The following GRM3 variants were observed in gnomAD, a reference collection of about 807,000 sequenced individuals.
GRM3 encodes the protein metabotropic glutamate receptor 3.
In GRM3, 26 loss-of-function variants were observed where a neutral mutation model predicts 70.5. The observed-to-expected ratio is 0.37, with a 90% confidence interval of 0.27 to 0.51. GRM3 has a LOEUF of 0.51. Ranked by LOEUF, GRM3 falls within the 20% of genes least tolerant of loss-of-function variation. The pLI is 0.93. For missense variants in GRM3, 859 were observed against 1,123.8 expected, an observed-to-expected ratio of 0.76 and a Z score of 3.37; for synonymous variants, 443 against 434.9, an observed-to-expected ratio of 1.02 and a Z score of -0.23.
At chr7:86,726,893 G>C (rs560718449) in intron 1 of GRM3, among the ~76,000 whole-genome samples, 1 of 152,100 alleles carries the variant, frequency 6.6e-6, no homozygotes, top group African/African-American at 2.4e-5. Context: ...CTCAGTACTG[G>C]CAATAAGGAA....
chr7:86,657,513 A>G (rs1054033981), intron 1 of GRM3, among the ~76,000 whole-genome samples: 2 of 152,232 alleles, frequency 1.3e-5, no homozygotes, highest in African/African-American at 4.8e-5. Flanking sequence ...GTGGAGCATC[A>G]TGTAATCTAG....
At chr7:86,673,386 A>G (rs1794222457) in intron 1 of GRM3, among the ~76,000 whole-genome samples, 1 of 152,050 alleles carries the variant, frequency 6.6e-6, no homozygotes, top group Admixed American at 6.6e-5. Context: ...TTCAAAACTC[A>G]CCAGAACACC....
At chr7:86,726,595 T>C (rs1195570529) in intron 1 of GRM3, among the ~76,000 whole-genome samples, 1 of 152,172 alleles carries the variant, frequency 6.6e-6, no homozygotes, top group Non-Finnish European at 1.5e-5. Context: ...TTTCCCCCAG[T>C]TGGACCTTTA....
In GRM3 at chr7:86,765,469, A is replaced by G; in HGVS notation, c.324A>G (p.Gln108=). The G allele has an allele frequency of 6.2e-7, 1 of 1,613,968 alleles. No individual in the cohort carries two copies. Among genetic ancestry groups the G allele is most frequent in the Non-Finnish European group, 8.5e-7 (1 of 1,179,892 alleles). ...TCSRDTYALE[Q]SLEFVRASLT... is the part of the protein sequence containing the mutation. ...CAAGGGATACCTATGCATTGGAGCAATCACTGGAGTTTGTCAGGGCATCTT... is the reference window on the plus strand; with the variant it reads ...CAAGGGATACCTATGCATTGGAGCAGTCACTGGAGTTTGTCAGGGCATCTT... Residue 108 remains glutamine, a synonymous_variant, in exon 2 of 6, where the codon CAA becomes CAG. Transcript: ENST00000361669.
At chr7:86,819,146 T>C (rs922748455) in intron 3 of GRM3, among the ~76,000 whole-genome samples, 1 of 152,158 alleles carries the variant, frequency 6.6e-6, no homozygotes, top group Non-Finnish European at 1.5e-5. Flanking sequence ...CAGCCAGAGA[T>C]GCTTGAAGCC....
intron 1 of GRM3, among the ~76,000 whole-genome samples, chr7:86,737,471 A>G (rs1795890328): frequency 6.6e-6 from 1 of 152,214 alleles, no homozygotes; most frequent in Non-Finnish European, 1.5e-5. Context: ...CATTTGTAAA[A>G]CATGAATAAT....
intron 1 of GRM3, among the ~76,000 whole-genome samples, chr7:86,707,641 T>C (rs1795090529): frequency 1.3e-5 from 2 of 152,106 alleles, no homozygotes; most frequent in African/African-American, 4.8e-5. Flanking sequence ...CTTGTAATTG[T>C]GCCTGGCAGA....
chr7:86,863,717 G>A (rs1799002894), intron 5 of GRM3, among the ~76,000 whole-genome samples: 2 of 152,128 alleles, frequency 1.3e-5, no homozygotes, highest in South Asian at 2.1e-4. Context: ...ACTAATTAAG[G>A]TACTGAAAAC....
At chr7:86,740,182 GA>G (rs1044186705) in intron 1 of GRM3, among the ~76,000 whole-genome samples, 11 of 150,530 alleles carry the variant, frequency 7.3e-5, no homozygotes, top group Non-Finnish European at 1.5e-4. Flanking sequence ...TTACTAAATG[GA>G]AAAAAAAAGT....
intron 1 of GRM3, among the ~76,000 whole-genome samples, chr7:86,655,538 T>G (rs984778679): frequency 6.7e-6 from 1 of 149,238 alleles, no homozygotes; most frequent in East Asian, 1.9e-4. Context: ...CAGTCTCAAT[T>G]CAAAAATTAG....
intron 1 of GRM3, among the ~76,000 whole-genome samples, chr7:86,760,097 G>A (rs1482808736): frequency 1.3e-5 from 2 of 152,076 alleles, no homozygotes; most frequent in African/African-American, 4.8e-5. Flanking sequence ...AAACCCTTCA[G>A]CAACTTAAGG....
At chr7:86,857,519 G>C (rs1482463468) in intron 5 of GRM3, among the ~76,000 whole-genome samples, 3 of 152,306 alleles carry the variant, frequency 2.0e-5, no homozygotes, top group South Asian at 2.1e-4. Flanking sequence ...CCAAATGGTG[G>C]TGGTTTAGAC....
intron 1 of GRM3, among the ~76,000 whole-genome samples, chr7:86,650,564 GAAGT>G (rs1793579516): frequency 6.6e-6 from 1 of 152,116 alleles, no homozygotes; most frequent in African/African-American, 2.4e-5. Flanking sequence ...GCAAATGGAA[GAAGT>G]AAGCTAAAAC....
At chr7:86,660,620 G>T (rs1793867423) in intron 1 of GRM3, among the ~76,000 whole-genome samples, 1 of 108,214 alleles carries the variant, frequency 9.2e-6, no homozygotes, top group South Asian at 5.0e-4. Context: ...AGGCTTGTGG[G>T]TTACATGGAT....
In GRM3 at chr7:86,644,546, C is replaced by T. The variant is rs868280136; in HGVS notation, c.-467C>T. 2 of 377,792 alleles carry T rather than the reference C, an allele frequency of 5.3e-6. No homozygotes were observed. The highest frequency in any genetic ancestry group is 5.3e-6 in the Non-Finnish European group (1 of 189,842). 23.4% of individuals were successfully genotyped at this position (377,792 alleles called of 1,614,324 possible). A position where few individuals can be genotyped will look rare whatever the true frequency, so the allele number is the denominator to read the frequency against. On this transcript the variant is annotated 5_prime_UTR_variant, in exon 1 of 6. Coordinates refer to ENST00000361669, the MANE Select transcript of GRM3 (RefSeq NM_000840.3). ...CCACTGGGTCCCCTCTTTCCCCAAC[C>T]TCCTCCCTCTCTTCTACTCCACCCC...
chr7:86,859,126 C>G (rs569912368), intron 5 of GRM3, among the ~76,000 whole-genome samples: 24 of 152,140 alleles, frequency 1.6e-4, no homozygotes, highest in Admixed American at 2.6e-4. Flanking sequence ...CCATCCTGCC[C>G]AGCTAAATTT....
intron 4 of GRM3, among the ~76,000 whole-genome samples, chr7:86,843,868 G>A (rs1040511016): frequency 2.0e-5 from 3 of 152,138 alleles, no homozygotes; most frequent in African/African-American, 7.2e-5. Flanking sequence ...AAATCACCTT[G>A]AAAAGCGGGT....
rs60180790 is a variant in GRM3, at chr7:86,742,995, G to A, written c.-140-22011G>A. Among the ~76,000 whole-genome samples, 1,438 of 152,142 alleles carry A rather than the reference G, an allele frequency of 9.5e-3. 20 individuals carry two copies. The highest frequency in any genetic ancestry group is 0.031 in the African/African-American group (1,307 of 41,506). On this transcript the variant is annotated intron_variant, in intron 1 of 5. Transcript: ENST00000361669. ...TTCTCACTTTACAGATGTGGAGACC[G>A]AAGCTCATAAGTATTAAATAACTTC... is the stretch of plus-strand genomic sequence containing the variant.
chr7:86,735,403 TA>T lies in GRM3; in HGVS notation c.-140-29602del, dbSNP rs1795835758. Among the ~76,000 whole-genome samples the T allele has an allele frequency of 5.3e-5, 8 of 152,362 alleles. No homozygotes were observed. The South Asian group carries it at 1.7e-3, about 32-fold the overall frequency. On this transcript the variant is annotated intron_variant, in intron 1 of 5. Transcript: ENST00000361669. ...TGGCATTATACTTTCTAAGAAGCTT[TA>T]TCTAACCACCAATTGACTGTGACTT...
Sources: allele counts gnomAD v4.1 joint callset (sites outside exome capture counted in the v4.1 genomes callset), GRCh38; gene constraint gnomAD v4.1.1; transcripts MANE v1.5; gene names NCBI Gene and HGNC (gene_info 2026-07-23, HGNC 2026-07-21).